GRM7: variants seen among roughly 807,000 people sequenced by gnomAD.
GRM7 encodes the protein glutamate metabotropic receptor 7.
GRM7 carries 35 observed loss-of-function variants against 84.5 expected under a neutral mutation model. The observed-to-expected ratio is 0.41, with a 90% confidence interval of 0.32 to 0.55. The LOEUF is 0.55. Ranked by LOEUF, GRM7 falls within the 20% of genes least tolerant of loss-of-function variation. GRM7 has a pLI of 0.19. For missense variants in GRM7, 1,003 were observed against 1,194.6 expected (o/e 0.84, Z 2.36); for synonymous variants, 487 against 455.1 (o/e 1.07, Z -0.89).
intron 1 of GRM7, among the ~76,000 whole-genome samples, chr3:7,103,531 C>T (rs1699180339): frequency 6.6e-6 from 1 of 151,810 alleles, no homozygotes; most frequent in South Asian, 2.1e-4. Context: ...CCAATGTTTC[C>T]ATTGCACTTA....
At chr3:7,634,280 C>G (rs1697975156) in intron 8 of GRM7, among the ~76,000 whole-genome samples, 1 of 152,096 alleles carries the variant, frequency 6.6e-6, no homozygotes, top group Non-Finnish European at 1.5e-5. Flanking sequence ...CCCTGACCAA[C>G]TGCTTGTTGA....
At chr3:7,389,939 G>T (rs1217923881) in intron 4 of GRM7, among the ~76,000 whole-genome samples, 1 of 152,036 alleles carries the variant, frequency 6.6e-6, no homozygotes, top group Non-Finnish European at 1.5e-5. Flanking sequence ...TTTCAGTATT[G>T]ATTGCTTGTG....
intron 1 of GRM7, among the ~76,000 whole-genome samples, chr3:6,976,101 C>T (rs1399954087): frequency 1.3e-5 from 2 of 152,244 alleles, no homozygotes; most frequent in East Asian, 3.9e-4. Context: ...TTTATTTACC[C>T]TCCCCACACC....
chr3:6,991,378 C>T (rs1055487090), intron 1 of GRM7, among the ~76,000 whole-genome samples: 1 of 152,076 alleles, frequency 6.6e-6, no homozygotes, highest in Non-Finnish European at 1.5e-5. Flanking sequence ...ATCCCTAGAG[C>T]TAAGGAGAAA....
chr3:6,996,866 C>T (rs76464439), intron 1 of GRM7, among the ~76,000 whole-genome samples: 1 of 152,164 alleles, frequency 6.6e-6, no homozygotes, highest in East Asian at 1.9e-4. Context: ...CCCTGCAGCT[C>T]AACAAAAAGC....
At chr3:7,134,748 C>T (rs1184484609) in intron 1 of GRM7, among the ~76,000 whole-genome samples, 1 of 152,084 alleles carries the variant, frequency 6.6e-6, no homozygotes, top group African/African-American at 2.4e-5. Context: ...GAGAAAGGTA[C>T]ACATATGCTA....
intron 4 of GRM7, among the ~76,000 whole-genome samples, chr3:7,353,253 A>T (rs930214538): frequency 7.2e-5 from 11 of 152,108 alleles, no homozygotes; most frequent in African/African-American, 2.2e-4. Context: ...CTCGAATAGA[A>T]CTACTTGATT....
At chr3:7,504,214 G>A (rs1033207838) in intron 7 of GRM7, among the ~76,000 whole-genome samples, 118 of 152,148 alleles carry the variant, frequency 7.8e-4, no homozygotes, top group African/African-American at 2.7e-3. Context: ...TGAGAAGAAC[G>A]AGAATAAGGA....
At chr3:7,575,043 G>T (rs1694892440) in intron 7 of GRM7, among the ~76,000 whole-genome samples, 2 of 151,946 alleles carry the variant, frequency 1.3e-5, no homozygotes, top group African/African-American at 4.8e-5. Context: ...GCTTATTTTT[G>T]CTTTCTTTGA....
At chr3:7,109,944 AAT>A (rs1385632114) in intron 1 of GRM7, among the ~76,000 whole-genome samples, 1 of 152,090 alleles carries the variant, frequency 6.6e-6, no homozygotes, top group Non-Finnish European at 1.5e-5. Context: ...TTTTAAATTA[AAT>A]ATGTTTAGCT....
intron 4 of GRM7, among the ~76,000 whole-genome samples, chr3:7,311,654 C>T (rs527343334): frequency 6.0e-5 from 9 of 149,286 alleles, no homozygotes; most frequent in East Asian, 2.0e-4. Flanking sequence ...AATGCAGTGG[C>T]GCAGTCTTGG....
At chr3:7,497,626 A>C (rs1490839066) in intron 7 of GRM7, among the ~76,000 whole-genome samples, 1 of 152,162 alleles carries the variant, frequency 6.6e-6, no homozygotes, top group Non-Finnish European at 1.5e-5. Context: ...TAATAAGAAG[A>C]GATAGGAGAG....
chr3:7,500,296 A>G (rs1699843912), intron 7 of GRM7, among the ~76,000 whole-genome samples: 2 of 152,198 alleles, frequency 1.3e-5, no homozygotes, highest in South Asian at 2.1e-4. Flanking sequence ...ACCATCATCA[A>G]ATTTGGAAGA....
At chr3:7,454,336 G>A (rs1294313494) in intron 6 of GRM7, among the ~76,000 whole-genome samples, 1 of 152,130 alleles carries the variant, frequency 6.6e-6, no homozygotes, top group Non-Finnish European at 1.5e-5. Context: ...GATAATGTCT[G>A]TTTGAATAGT....
intron 1 of GRM7, among the ~76,000 whole-genome samples, chr3:6,929,602 A>G (rs1215504935): frequency 6.6e-6 from 1 of 152,104 alleles, no homozygotes; most frequent in Non-Finnish European, 1.5e-5. Context: ...ACCAGTGCAT[A>G]TTGTCTACAA....
intron 1 of GRM7, among the ~76,000 whole-genome samples, chr3:6,875,738 G>C (rs1031645322): frequency 3.3e-5 from 5 of 152,090 alleles, no homozygotes; most frequent in African/African-American, 1.2e-4. Context: ...AATATTATTT[G>C]ATCATGCCAG....
intron 4 of GRM7, among the ~76,000 whole-genome samples, chr3:7,338,127 C>T (rs1302992366): frequency 6.6e-6 from 1 of 151,212 alleles, no homozygotes; most frequent in African/African-American, 2.4e-5. Context: ...CACACACACA[C>T]ACACACACAC....
chr3:7,716,582 A>G (rs1413639462), intron 9 of GRM7, among the ~76,000 whole-genome samples: 5 of 152,202 alleles, frequency 3.3e-5, no homozygotes, highest in African/African-American at 1.2e-4. Flanking sequence ...GTTTTTTCAT[A>G]CAGTGTCACA....
At chr3:7,208,663 G>T (rs1435402489) in intron 2 of GRM7, among the ~76,000 whole-genome samples, 1 of 152,028 alleles carries the variant, frequency 6.6e-6, no homozygotes, top group Non-Finnish European at 1.5e-5. Flanking sequence ...GTCCTGTGGG[G>T]GTTCAGACCA....
Sources: allele counts gnomAD v4.1 joint callset (sites outside exome capture counted in the v4.1 genomes callset), GRCh38; gene constraint gnomAD v4.1.1; transcripts MANE v1.5; gene names NCBI Gene and HGNC (gene_info 2026-07-23, HGNC 2026-07-21).